DNAH7: variants seen among roughly 807,000 people sequenced by gnomAD.
DNAH7 encodes the protein dynein axonemal heavy chain 7, also known as axonemal beta dynein heavy chain 7.
Under a neutral mutation model 444.6 loss-of-function variants are expected in DNAH7, and 397 were observed. The observed-to-expected ratio is 0.89, with a 90% confidence interval of 0.82 to 0.97. The LOEUF (loss-of-function observed/expected upper bound fraction) is 0.97, where lower values mean the gene tolerates loss of function less well. DNAH7 is among the 50% of genes least tolerant of loss of function. The pLI is 0.00. For synonymous variants in DNAH7, 1,636 were observed against 1,624.4 expected, an observed-to-expected ratio of 1.01 and a Z score of -0.17; for missense variants, 4,902 against 4,800.8, an observed-to-expected ratio of 1.02 and a Z score of -0.62.
intron 57 of DNAH7, among the ~76,000 whole-genome samples, chr2:195,787,461 C>T (rs1164032417): frequency 6.6e-6 from 1 of 152,032 alleles, no homozygotes; most frequent in Non-Finnish European, 1.5e-5. Context: ...TTTTTGAGGT[C>T]CTTACTGAAG....
intron 64 of DNAH7, among the ~76,000 whole-genome samples, chr2:195,739,011 C>T (rs1692825017): frequency 1.3e-5 from 2 of 152,166 alleles, no homozygotes; most frequent in South Asian, 4.1e-4. Context: ...CAATGTAAAA[C>T]TCGAAGCACT....
intron 12 of DNAH7, among the ~76,000 whole-genome samples, chr2:196,000,321 A>G (rs1693956143): frequency 6.6e-6 from 1 of 152,132 alleles, no homozygotes; most frequent in Non-Finnish European, 1.5e-5. Flanking sequence ...CTATTACGGA[A>G]AAAGGTATAT....
intron 17 of DNAH7, among the ~76,000 whole-genome samples, chr2:195,969,428 T>C (rs1002385109): frequency 6.6e-6 from 1 of 152,350 alleles, no homozygotes; most frequent in South Asian, 2.1e-4. Flanking sequence ...ATATCTTATA[T>C]GGCAAAGGGT....
chr2:195,972,176 T>C (rs1691889914), intron 16 of DNAH7, 66 bp downstream of exon 16: 1 of 1,313,186 alleles, frequency 7.6e-7, no homozygotes, highest in African/African-American at 1.5e-5. Flanking sequence ...TAATTGACAA[T>C]GCTACATAAA....
chr2:195,769,501 C>G (rs1166467378), intron 61 of DNAH7, among the ~76,000 whole-genome samples: 1 of 152,058 alleles, frequency 6.6e-6, no homozygotes, highest in Non-Finnish European at 1.5e-5. Flanking sequence ...ACATTAAACC[C>G]TGCCATTGGG....
chr2:196,053,524 T>C (rs1228591994), intron 2 of DNAH7, among the ~76,000 whole-genome samples: 1 of 152,176 alleles, frequency 6.6e-6, no homozygotes. Context: ...ACAAACAGGA[T>C]ACATGAGAAG....
intron 30 of DNAH7, chr2:195,894,035 G>A: frequency 6.6e-6 from 1 of 151,958 alleles, no homozygotes. Flanking sequence ...AAAAAGAGAA[G>A]GGAAGTAAAG....
intron 19 of DNAH7, among the ~76,000 whole-genome samples, chr2:195,950,786 A>G (rs1690174928): frequency 7.5e-6 from 1 of 133,910 alleles, no homozygotes; most frequent in Non-Finnish European, 1.6e-5. Context: ...CAGGAGGCGA[A>G]GCTTGCAGTG....
At chr2:195,851,670 G>A (rs1463177374) in intron 46 of DNAH7, among the ~76,000 whole-genome samples, 2 of 152,066 alleles carry the variant, frequency 1.3e-5, no homozygotes, top group Admixed American at 1.3e-4. Context: ...GGCCTGGTTG[G>A]GAGGATGGTA....
intron 47 of DNAH7, among the ~76,000 whole-genome samples, chr2:195,842,528 T>C (rs1698747412): frequency 2.0e-5 from 3 of 152,132 alleles, no homozygotes; most frequent in Admixed American, 2.0e-4. Flanking sequence ...TAAACATATT[T>C]ACTGAAAGCT....
chr2:195,785,111 C>T (rs1468916350), intron 58 of DNAH7, among the ~76,000 whole-genome samples: 1 of 152,084 alleles, frequency 6.6e-6, no homozygotes, highest in Non-Finnish European at 1.5e-5. Context: ...CGGGGTTTCA[C>T]CGTGTTAGTC....
chr2:195,782,590 A>AT (rs943495351), intron 58 of DNAH7, among the ~76,000 whole-genome samples: 7 of 151,946 alleles, frequency 4.6e-5, no homozygotes, highest in Admixed American at 2.0e-4. Context: ...TAAATTAGCC[A>AT]TTTTTTTCCA....
At chr2:195,868,849 A>T (rs2125113170) in intron 40 of DNAH7, among the ~76,000 whole-genome samples, 1 of 149,726 alleles carries the variant, frequency 6.7e-6, no homozygotes, top group East Asian at 1.9e-4. Flanking sequence ...ATACCTTAGA[A>T]ACCATTTAGT....
chr2:195,771,707 G>A lies in DNAH7; in HGVS notation c.11386C>T (p.Leu3796=). The change falls in exon 61 of 65, where the codon CTG becomes TTG. Residue 3796 remains leucine (L), a synonymous_variant. Coordinates refer to ENST00000312428, the MANE Select transcript of DNAH7 (RefSeq NM_018897.3). ...ACGCACGAATCTCTTATGGTCTTCA[G>A]TAACTTATTGAACCGTCCCATCTCT... ...VQEMGRFNKL[L]KTIRDSCVNI... The A allele has an allele frequency of 6.2e-7, 1 of 1,614,096 alleles. No individual in the cohort carries two copies. The highest frequency in any genetic ancestry group is 8.5e-7 in the Non-Finnish European group (1 of 1,179,998).
chr2:196,054,695 C>T (rs1212708312), intron 2 of DNAH7, among the ~76,000 whole-genome samples: 2 of 152,026 alleles, frequency 1.3e-5, no homozygotes, highest in Non-Finnish European at 2.9e-5. Flanking sequence ...TCCCATAATC[C>T]CTATGTGTCA....
At chr2:195,838,555 C>A (rs766570902) in intron 47 of DNAH7, among the ~76,000 whole-genome samples, 34 of 151,772 alleles carry the variant, frequency 2.2e-4, no homozygotes, top group Non-Finnish European at 4.4e-4. Context: ...AGTATGGACT[C>A]AGTAGCAGAA....
At chr2:195,966,778 G>T (rs1302596933) in intron 17 of DNAH7, among the ~76,000 whole-genome samples, 1 of 151,868 alleles carries the variant, frequency 6.6e-6, no homozygotes, top group African/African-American at 2.4e-5. Flanking sequence ...GTAATTTTTT[G>T]TTCCCATTGG....
At position 195,808,478 on chromosome 2, in the gene DNAH7, G is replaced by A. The variant is rs56278864; in HGVS notation, c.10083+204C>T. Reference sequence around the variant, plus strand: ...TTCTCAAGAACCACACAGCATTCTTGCATCTTAATACATTTCAAGGAGTTT... The same window carrying A: ...TTCTCAAGAACCACACAGCATTCTTACATCTTAATACATTTCAAGGAGTTT... On this transcript the variant is annotated intron_variant, in intron 53 of 64. Transcript: ENST00000312428. 0.44 allele frequency among the ~76,000 whole-genome samples: 67,149 copies of A among 152,052 alleles called. 16,045 individuals are homozygous for A. The highest frequency in any genetic ancestry group is 0.55 in the Non-Finnish European group (37,526 of 67,930).
chr2:196,035,400 T>C (rs1345209091), intron 5 of DNAH7, among the ~76,000 whole-genome samples: 1 of 152,202 alleles, frequency 6.6e-6, no homozygotes, highest in Non-Finnish European at 1.5e-5. Flanking sequence ...CTGATGGGTC[T>C]TTGCACCACC....
Sources: gnomAD v4.1 joint callset for allele counts (sites outside exome capture counted in the v4.1 genomes callset) on GRCh38, gnomAD v4.1.1 for gene constraint, MANE v1.5 for transcripts, NCBI Gene and HGNC (gene_info 2026-07-23, HGNC 2026-07-21) for gene names.